Variants in DLGAP2 observed in about 807,000 individuals in gnomAD.
The protein encoded by DLGAP2 is disks large-associated protein 2.
A neutral mutation model predicts 100.3 loss-of-function variants in DLGAP2; 26 were observed. That is an observed-to-expected ratio of 0.26 (90% CI 0.19 to 0.36). The LOEUF (loss-of-function observed/expected upper bound fraction) is 0.36, where lower values mean the gene tolerates loss of function less well. DLGAP2 is among the 10% of genes least tolerant of loss of function. DLGAP2 has a pLI of 1.00. For missense variants in DLGAP2, 1,858 were observed against 1,453.2 expected (o/e 1.28, Z -4.53); for synonymous variants, 886 against 630.1 (o/e 1.41, Z -6.08).
chr8:959,495 A>G (rs549857635), intron 2 of DLGAP2, among the ~76,000 whole-genome samples: 1 of 152,314 alleles, frequency 6.6e-6, no homozygotes, highest in African/African-American at 2.4e-5. Flanking sequence ...GAGCTTGAAG[A>G]TGGTGCTGTC....
rs1413871991 is a variant in DLGAP2, at chr8:1,351,097, ACT to A, written c.106+92215_106+92216del. Among the ~76,000 whole-genome samples the A allele has an allele frequency of 5.3e-3, 76 of 14,452 alleles. 19 individuals carry two copies. Among genetic ancestry groups the A allele is most frequent in the Middle Eastern group, 0.1 (1 of 10 alleles). 9.5% of individuals were successfully genotyped at this position (14,452 alleles called of 152,430 possible). On this transcript the variant is annotated intron_variant, in intron 3 of 14. Coordinates refer to ENST00000637795, the MANE Select transcript of DLGAP2 (RefSeq NM_001346810.2). ...GTGTGGAAACACCGTGCGGGTCCTG[ACT>A]GTGTGTGGAAAGGCCGTGCAGATCC... is the stretch of plus-strand genomic sequence containing the variant.
intron 6 of DLGAP2, among the ~76,000 whole-genome samples, chr8:1,616,421 G>C (rs1164419945): frequency 1.3e-5 from 2 of 151,854 alleles, no homozygotes; most frequent in African/African-American, 2.4e-5. Context: ...AAGATAAATA[G>C]AAAAAAATCA....
At chr8:807,028 A>G (rs1435414199) in intron 1 of DLGAP2, among the ~76,000 whole-genome samples, 1 of 152,174 alleles carries the variant, frequency 6.6e-6, no homozygotes, top group Non-Finnish European at 1.5e-5. Context: ...CTGGGACAGA[A>G]AACCTCAAAT....
chr8:819,374 A>G (rs1287133109), intron 1 of DLGAP2, among the ~76,000 whole-genome samples: 1 of 152,224 alleles, frequency 6.6e-6, no homozygotes, highest in African/African-American at 2.4e-5. Context: ...ACTTCCGTGA[A>G]ACAGGTCAAG....
At chr8:974,365 A>AT (rs1563122807) in intron 2 of DLGAP2, among the ~76,000 whole-genome samples, 1 of 152,236 alleles carries the variant, frequency 6.6e-6, no homozygotes, top group African/African-American at 2.4e-5. Context: ...TGATTCAAAT[A>AT]TTTAAAGTGT....
intron 2 of DLGAP2, among the ~76,000 whole-genome samples, chr8:1,200,740 A>T (rs1797852844): frequency 6.6e-6 from 1 of 151,580 alleles, no homozygotes; most frequent in Non-Finnish European, 1.5e-5. Context: ...CTGGATTCGG[A>T]CTTACAGAGC....
chr8:1,576,075 G>C (rs950046149), intron 6 of DLGAP2, among the ~76,000 whole-genome samples: 2 of 152,130 alleles, frequency 1.3e-5, no homozygotes, highest in African/African-American at 4.8e-5. Flanking sequence ...CTAGTTTACA[G>C]TCCCACCAAC....
At chr8:1,179,373 C>A (rs1163592895) in intron 2 of DLGAP2, among the ~76,000 whole-genome samples, 2 of 152,184 alleles carry the variant, frequency 1.3e-5, no homozygotes, top group African/African-American at 2.4e-5. Context: ...GAGTGCTTCG[C>A]TGGGGGACTC....
intron 3 of DLGAP2, among the ~76,000 whole-genome samples, chr8:1,461,117 G>A: frequency 6.6e-6 from 1 of 151,144 alleles, no homozygotes; most frequent in South Asian, 2.1e-4. Context: ...GCTGGGTGCA[G>A]TCGCTGATTT....
At chr8:827,813 T>A (rs896016455) in intron 1 of DLGAP2, among the ~76,000 whole-genome samples, 3 of 152,198 alleles carry the variant, frequency 2.0e-5, no homozygotes, top group African/African-American at 7.2e-5. Flanking sequence ...ACATTTATTA[T>A]CGGGGGACCT....
chr8:1,315,659 T>C (rs1417726230), intron 3 of DLGAP2, among the ~76,000 whole-genome samples: 1 of 119,158 alleles, frequency 8.4e-6, no homozygotes, highest in Non-Finnish European at 1.7e-5. Flanking sequence ...ACAGCGTCTC[T>C]CCAACAGTGG....
intron 1 of DLGAP2, among the ~76,000 whole-genome samples, chr8:768,585 C>G (rs1372249267): frequency 6.6e-6 from 1 of 151,608 alleles, no homozygotes; most frequent in African/African-American, 2.4e-5. Context: ...CCACCATGCC[C>G]GGCTAATTTT....
intron 2 of DLGAP2, among the ~76,000 whole-genome samples, chr8:1,252,553 C>T (rs1799070454): frequency 6.6e-6 from 1 of 152,234 alleles, no homozygotes. Flanking sequence ...TGTGTTGTCT[C>T]ACAGTCATGT....
At chr8:1,585,299 C>T (rs370632908) in intron 6 of DLGAP2, among the ~76,000 whole-genome samples, 26 of 152,202 alleles carry the variant, frequency 1.7e-4, no homozygotes, top group African/African-American at 6.0e-4. Context: ...CCTGTCTGTA[C>T]TAAAAATACA....
intron 6 of DLGAP2, among the ~76,000 whole-genome samples, chr8:1,576,737 CTTGTTTTTGTCAGGTTTG>C (rs1289440228): frequency 2.6e-5 from 4 of 152,130 alleles, no homozygotes; most frequent in Non-Finnish European, 5.9e-5. Flanking sequence ...TTCTCCATTT[CTTGTTTTTGTCAGGTTTG>C]TCAAAGATAA....
At chr8:1,212,160 C>G (rs1202961173) in intron 2 of DLGAP2, among the ~76,000 whole-genome samples, 3 of 152,208 alleles carry the variant, frequency 2.0e-5, no homozygotes, top group Non-Finnish European at 4.4e-5. Context: ...AAGAAAAGGG[C>G]AAAATCCCCA....
At chr8:1,700,221 T>A (rs1799528507) in intron 14 of DLGAP2, among the ~76,000 whole-genome samples, 1 of 152,210 alleles carries the variant, frequency 6.6e-6, no homozygotes, top group Admixed American at 6.5e-5. Flanking sequence ...TTTCAGAGGC[T>A]GAAGAGAAAA....
At chr8:1,209,259 A>C (rs554495509) in intron 2 of DLGAP2, among the ~76,000 whole-genome samples, 2 of 152,354 alleles carry the variant, frequency 1.3e-5, no homozygotes, top group East Asian at 3.9e-4. Context: ...CTATACTATA[A>C]GGCTATAATC....
intron 2 of DLGAP2, among the ~76,000 whole-genome samples, chr8:972,624 T>G (rs1392098801): frequency 1.4e-5 from 2 of 147,490 alleles, no homozygotes; most frequent in African/African-American, 5.0e-5. Flanking sequence ...TTCTTATTTA[T>G]TTATTTATTT....
Sources: allele counts gnomAD v4.1 joint callset (sites outside exome capture counted in the v4.1 genomes callset), GRCh38; gene constraint gnomAD v4.1.1; transcripts MANE v1.5; gene names NCBI Gene and HGNC (gene_info 2026-07-23, HGNC 2026-07-21).